Variants in CCSER1 observed in about 807,000 individuals in gnomAD.
CCSER1 encodes the protein serine-rich coiled-coil domain-containing protein 1.
A neutral mutation model predicts 82.0 loss-of-function variants in CCSER1; 41 were observed. That is an observed-to-expected ratio of 0.50 (90% confidence interval 0.39 to 0.65). CCSER1 has a LOEUF of 0.65. Among genes scored for constraint, CCSER1 ranks in the 30% least tolerant of loss-of-function variants. The pLI is 0.00. For synonymous variants in CCSER1, 414 were observed against 383.9 expected, an observed-to-expected ratio of 1.08 and a Z score of -0.92; for missense variants, 1,119 against 1,064.2, an observed-to-expected ratio of 1.05 and a Z score of -0.72.
chr4:90,922,645 T>C (rs971098601), intron 8 of CCSER1, among the ~76,000 whole-genome samples: 10 of 152,062 alleles, frequency 6.6e-5, no homozygotes, highest in Admixed American at 3.9e-4. Flanking sequence ...GAAGATAAAA[T>C]GTGATCAAGT....
At chr4:90,323,219 G>A (rs1737494645) in intron 3 of CCSER1, among the ~76,000 whole-genome samples, 1 of 152,144 alleles carries the variant, frequency 6.6e-6, no homozygotes, top group African/African-American at 2.4e-5. Flanking sequence ...AATTGGGAGA[G>A]GGGTGATGCA....
chr4:91,447,357 G>A (rs1242406080), intron 10 of CCSER1, among the ~76,000 whole-genome samples: 1 of 149,088 alleles, frequency 6.7e-6, no homozygotes, highest in East Asian at 2.0e-4. Flanking sequence ...CCTTTATAGT[G>A]TTGGCTTTGT....
intron 1 of CCSER1, among the ~76,000 whole-genome samples, chr4:90,155,228 C>A (rs1231846061): frequency 6.6e-6 from 1 of 152,030 alleles, no homozygotes; most frequent in Non-Finnish European, 1.5e-5. Flanking sequence ...CAGGGATGAA[C>A]CCACTTGATC....
chr4:90,948,586 TATGAGAATATA>T (rs1732539336), intron 9 of CCSER1, among the ~76,000 whole-genome samples: 1 of 152,022 alleles, frequency 6.6e-6, no homozygotes, highest in Non-Finnish European at 1.5e-5. Flanking sequence ...ATACACAGAT[TATGAGAATATA>T]TCAATTCTCA....
chr4:90,925,415 G>T (rs1356855022), intron 9 of CCSER1, among the ~76,000 whole-genome samples: 1 of 152,074 alleles, frequency 6.6e-6, no homozygotes, highest in Non-Finnish European at 1.5e-5. Flanking sequence ...AACAATGTTT[G>T]GGAGACAGAA....
At chr4:91,421,423 A>G (rs115083755) in intron 10 of CCSER1, among the ~76,000 whole-genome samples, 13 of 152,298 alleles carry the variant, frequency 8.5e-5, no homozygotes, top group Non-Finnish European at 1.6e-4. Context: ...TACAGTGGCC[A>G]GAGTATGTGT....
At chr4:91,551,648 A>C (rs1463648548) in intron 10 of CCSER1, among the ~76,000 whole-genome samples, 2 of 120,578 alleles carry the variant, frequency 1.7e-5, no homozygotes, top group Non-Finnish European at 3.4e-5. Context: ...AGCAGCAGGC[A>C]AAAAACAAAC....
intron 3 of CCSER1, among the ~76,000 whole-genome samples, chr4:90,316,213 A>G (rs1374721557): frequency 6.6e-6 from 1 of 152,234 alleles, no homozygotes; most frequent in East Asian, 1.9e-4. Context: ...CTGAGAAGAT[A>G]AGCAGGTTGC....
chr4:90,761,051 A>G (rs1325035720), intron 7 of CCSER1, among the ~76,000 whole-genome samples: 1 of 152,124 alleles, frequency 6.6e-6, no homozygotes, highest in Non-Finnish European at 1.5e-5. Flanking sequence ...TGAAATGACA[A>G]TACCAAATAA....
chr4:91,004,869 C>G (rs1738363419), intron 9 of CCSER1, among the ~76,000 whole-genome samples: 1 of 152,068 alleles, frequency 6.6e-6, no homozygotes, highest in Non-Finnish European at 1.5e-5. Context: ...AAGTTCTGTA[C>G]AGCTTTATTC....
intron 10 of CCSER1, among the ~76,000 whole-genome samples, chr4:91,555,047 A>G (rs1762338366): frequency 1.3e-5 from 2 of 151,358 alleles, no homozygotes; most frequent in Non-Finnish European, 3.0e-5. Context: ...AAATTGGATT[A>G]AAAACTCAAA....
intron 10 of CCSER1, among the ~76,000 whole-genome samples, chr4:91,177,280 CTT>C (rs1385627303): frequency 6.6e-6 from 1 of 152,118 alleles, no homozygotes; most frequent in Admixed American, 6.5e-5. Context: ...CTAAAATTCT[CTT>C]TTTCTGCTGT....
At chr4:91,279,759 G>T (rs1314891007) in intron 10 of CCSER1, among the ~76,000 whole-genome samples, 1 of 151,960 alleles carries the variant, frequency 6.6e-6, no homozygotes, top group Non-Finnish European at 1.5e-5. Flanking sequence ...TTCTTCATTG[G>T]AATTGTTGCT....
At chr4:90,497,261 A>T (rs1769182069) in intron 5 of CCSER1, among the ~76,000 whole-genome samples, 1 of 152,184 alleles carries the variant, frequency 6.6e-6, no homozygotes, top group South Asian at 2.1e-4. Context: ...AGTTACACAG[A>T]ACCATGCAAA....
In CCSER1 at chr4:90,648,298, AAAGAAAG is replaced by A. The variant is rs1226283328; in HGVS notation, c.1932+20069_1932+20075del. Among the ~76,000 whole-genome samples, 5 of 149,110 alleles carry A rather than the reference AAAGAAAG, an allele frequency of 3.4e-5. No individual in the cohort carries two copies. In the South Asian group the frequency reaches 1.1e-3, roughly 32 times the overall value. ...AGAGAAAGAAAGGAAAGAAAGAAAG[AAAGAAAG>A]AAAGAAAGAAAGAAAGAAAGAAAGA... On this transcript the variant is annotated intron_variant, in intron 6 of 10. Coordinates refer to ENST00000509176, the MANE Select transcript of CCSER1 (RefSeq NM_001145065.2).
chr4:90,605,760 AC>A (rs902476671), intron 5 of CCSER1, among the ~76,000 whole-genome samples: 53 of 152,140 alleles, frequency 3.5e-4, no homozygotes, highest in African/African-American at 1.2e-3. Context: ...ATTTTTTTTG[AC>A]TTCTTAGTGC....
intron 10 of CCSER1, among the ~76,000 whole-genome samples, chr4:91,197,766 T>A (rs918182222): frequency 3.3e-5 from 5 of 152,214 alleles, no homozygotes; most frequent in African/African-American, 1.2e-4. Context: ...TAGACCTCAC[T>A]ATACGTGCCC....
intron 10 of CCSER1, among the ~76,000 whole-genome samples, chr4:91,311,761 A>G (rs1218023890): frequency 6.6e-6 from 1 of 151,964 alleles, no homozygotes; most frequent in African/African-American, 2.4e-5. Flanking sequence ...TTGCAATACC[A>G]TATAGGTAGA....
At chr4:90,410,169 C>T (rs1438571667) in intron 4 of CCSER1, among the ~76,000 whole-genome samples, 1 of 152,126 alleles carries the variant, frequency 6.6e-6, no homozygotes, top group Admixed American at 6.6e-5. Context: ...TAGATTCCCA[C>T]ACAATAATAA....
Sources: allele counts gnomAD v4.1 joint callset (sites outside exome capture counted in the v4.1 genomes callset), GRCh38; gene constraint gnomAD v4.1.1; transcripts MANE v1.5; gene names NCBI Gene and HGNC (gene_info 2026-07-23, HGNC 2026-07-21).